Variants in TJP1 observed in about 807,000 individuals in gnomAD.
The protein encoded by TJP1 is tight junction protein ZO-1.
A neutral mutation model predicts 194.2 loss-of-function variants in TJP1; 43 were observed. The observed-to-expected ratio is 0.22, with a 90% CI of 0.17 to 0.29. The LOEUF is 0.29. Among genes scored for constraint, TJP1 ranks in the 10% least tolerant of loss-of-function variants. The pLI is 1.00. For missense variants in TJP1, 1,971 were observed against 2,185.7 expected (o/e 0.90, Z 1.96); for synonymous variants, 801 against 779.0 (o/e 1.03, Z -0.47).
chr15:29,946,728 T>C (rs992860979), intron 2 of TJP1, among the ~76,000 whole-genome samples: 5 of 152,228 alleles, frequency 3.3e-5, no homozygotes, highest in Admixed American at 3.3e-4. Flanking sequence ...TCATATCTAT[T>C]CATTCATTTG....
chr15:29,732,607 G>A (rs1294414546), intron 14 of TJP1, 24 bp downstream of exon 14: 1 of 1,613,630 alleles, frequency 6.2e-7, no homozygotes, highest in Non-Finnish European at 8.5e-7. Context: ...AGGGTATTAG[G>A]TTAGTCTGTA....
chr15:29,850,416 C>T (rs564910529), intron 2 of TJP1, among the ~76,000 whole-genome samples: 5 of 152,186 alleles, frequency 3.3e-5, no homozygotes, highest in Admixed American at 6.5e-5. Flanking sequence ...CTGCAAGCTC[C>T]GCCTCCCAGG....
At chr15:29,832,566 G>A (rs2050870523) in intron 2 of TJP1, among the ~76,000 whole-genome samples, 1 of 152,222 alleles carries the variant, frequency 6.6e-6, no homozygotes, top group Non-Finnish European at 1.5e-5. Context: ...TCTTAGCACT[G>A]TGAGGGACAT....
At chr15:29,703,461 A>G in intron 27 of TJP1, among the ~76,000 whole-genome samples, 1 of 152,082 alleles carries the variant, frequency 6.6e-6, no homozygotes, top group African/African-American at 2.4e-5. Context: ...AAAACAAACA[A>G]ACAAAAAATA....
intron 2 of TJP1, among the ~76,000 whole-genome samples, chr15:29,931,331 C>T (rs368990871): frequency 2.6e-5 from 4 of 151,974 alleles, no homozygotes; most frequent in East Asian, 1.9e-4. Context: ...TAAGTGGAGC[C>T]GCACTGTTCA....
At position 29,719,850 on chromosome 15, in the gene TJP1, G is replaced by A. The variant is rs1566890909; in HGVS notation, c.2930C>T (p.Pro977Leu). The change falls in exon 20 of 28, where the codon CCA becomes CTA. Residue 977 changes from proline (P) to leucine (L), a missense_variant. Around this residue, in one of 5 missense-constraint regions of TJP1, gnomAD observed 1,108 missense variants for 1,128.5 expected, o/e 0.98. Transcript: ENST00000614355. ...CATTATGTGAGCTGCCTCAGTACTT[G>A]GTGTTCTTAAAGAATCAGCTTGTGG... ...YSPQADSLRT[P>L]STEAAHIMLR... 3.1e-6 allele frequency: 5 copies of A among 1,614,148 alleles called. No individual in the cohort carries two copies. The highest frequency in any genetic ancestry group is 3.4e-6 in the Non-Finnish European group (4 of 1,180,018).
intron 2 of TJP1, among the ~76,000 whole-genome samples, chr15:29,911,279 T>G (rs755644030): frequency 2.6e-5 from 4 of 152,136 alleles, no homozygotes; most frequent in Non-Finnish European, 5.9e-5. Flanking sequence ...CTGACAGAGC[T>G]GAGTTGCTGT....
At chr15:29,896,579 G>C (rs2053483965) in intron 2 of TJP1, among the ~76,000 whole-genome samples, 1 of 152,224 alleles carries the variant, frequency 6.6e-6, no homozygotes, top group Admixed American at 6.5e-5. Context: ...GGCAGAAGCT[G>C]GAACAGTTTG....
rs757146968 is a variant in TJP1, at chr15:29,720,665, C to T, written c.2456G>A (p.Arg819His). ...ACCTGGAGCTGACAGGTAGGACAGA[C>T]GATCATCATGCAAATCAAGGTCATC... ...TSDDLDLHDD[R>H]LSYLSAPGSE... The change falls in exon 19 of 28, where the codon CGT (arginine) becomes CAT (histidine). Residue 819 changes from arginine to histidine, a missense_variant. Around this residue, in one of 5 missense-constraint regions of TJP1, gnomAD observed 402 missense variants for 484.2 expected, o/e 0.83. Coordinates refer to ENST00000614355, the MANE Select transcript of TJP1 (RefSeq NM_001330239.4). 10 of 1,611,268 alleles carry T rather than the reference C, an allele frequency of 6.2e-6. No individual in the cohort carries two copies. The highest frequency in any genetic ancestry group is 2.2e-5 in the East Asian group (1 of 44,836).
Position 29,733,323 on chromosome 15 carries a change from A to G in TJP1, c.1517-10T>C, listed in dbSNP as rs751643827. 31 of 1,565,528 alleles carry G rather than the reference A, an allele frequency of 2.0e-5. No individual in the cohort carries two copies. Among genetic ancestry groups the G allele is most frequent in the Non-Finnish European group, 2.6e-5 (30 of 1,140,432 alleles). ...ACAATGCGACGATAAACTAAAAGGA[A>G]TAAAAACAAACACATTATCAATATT... On this transcript the variant is annotated splice_polypyrimidine_tract_variant and intron_variant, in intron 12 of 27. Coordinates refer to ENST00000614355, the MANE Select transcript of TJP1 (RefSeq NM_001330239.4).
chr15:29,834,445 C>T (rs2050958972), intron 2 of TJP1, among the ~76,000 whole-genome samples: 1 of 152,092 alleles, frequency 6.6e-6, no homozygotes, highest in African/African-American at 2.4e-5. Context: ...TTCTTGAACT[C>T]CTGACCTCAC....
rs771279629 is a variant in TJP1 at position 29,766,348 on chromosome 15, C to A, written c.507G>T (p.Pro169=). The change falls in exon 5 of 28, where the codon CCG becomes CCT. Residue 169 remains proline (P), a synonymous_variant. Transcript: ENST00000614355. The stretch of plus-strand genomic sequence containing the variant: ...AAGCCACTGACCGCCTGTCTGACCG[C>A]GGGGACAAGCTCCTCTCTCTACTTG... ...RSASRERSLS[P]RSDRRSVASS... is the part of the protein sequence containing the mutation. 1 of 1,614,110 alleles carries A rather than the reference C, an allele frequency of 6.2e-7. No individual in the cohort carries two copies. The highest frequency in any genetic ancestry group is 8.5e-7 in the Non-Finnish European group (1 of 1,180,046).
intron 2 of TJP1, among the ~76,000 whole-genome samples, chr15:29,916,135 C>T (rs2054176781): frequency 6.6e-6 from 1 of 151,480 alleles, no homozygotes; most frequent in Non-Finnish European, 1.5e-5. Context: ...ATCCCAGTTA[C>T]TCGGGAGGCT....
intron 10 of TJP1, 58 bp downstream of exon 10, chr15:29,741,273 A>T (rs1294243648): frequency 3.1e-6 from 4 of 1,278,880 alleles, no homozygotes; most frequent in Admixed American, 4.5e-5. Context: ...TTAAATTCCT[A>T]CTCTGAATAA....
intron 2 of TJP1, among the ~76,000 whole-genome samples, chr15:29,794,800 C>T (rs534708841): frequency 2.6e-4 from 40 of 151,944 alleles, no homozygotes; most frequent in Non-Finnish European, 4.9e-4. Context: ...TGAATAATCT[C>T]GCTTCCAGTA....
At chr15:29,804,917 G>A (rs1230737979) in intron 1 of TJP1, among the ~76,000 whole-genome samples, 3 of 152,124 alleles carry the variant, frequency 2.0e-5, no homozygotes, top group East Asian at 1.9e-4. Flanking sequence ...GACCAGAGCC[G>A]AAAGGTATCA....
intron 2 of TJP1, among the ~76,000 whole-genome samples, chr15:29,942,823 C>T (rs1438967370): frequency 1.3e-5 from 2 of 152,156 alleles, no homozygotes; most frequent in Admixed American, 6.5e-5. Context: ...CCCGGGGGGA[C>T]CTGCAAGGGA....
rs1315295673 is a variant in TJP1, at chr15:29,726,426, C to T, written c.2365G>A (p.Ala789Thr). The T allele has an allele frequency of 4.2e-5, 67 of 1,613,938 alleles. No individual in the cohort carries two copies. Among genetic ancestry groups the T allele is most frequent in the Non-Finnish European group, 5.3e-5 (62 of 1,180,000 alleles). Residue 789 changes from alanine to threonine, a missense_variant, in exon 18 of 28, where the codon GCA (alanine) becomes ACA (threonine). Ala to Thr is a moderately conservative substitution (Grantham distance 58). Around this residue, in one of 5 missense-constraint regions of TJP1, gnomAD observed 402 missense variants for 484.2 expected, o/e 0.83. Transcript: ENST00000614355. The stretch of plus-strand genomic sequence containing the variant: ...AGCTGGTTTTGCTGTTGTTGAATTG[C>T]TTCTTTCAGCGCACCATACCAACCA... ...NDGWYGALKE[A>T]IQQQQNQLVW...
intron 27 of TJP1, among the ~76,000 whole-genome samples, chr15:29,701,897 A>T (rs1482881789): frequency 2.0e-5 from 3 of 152,128 alleles, no homozygotes; most frequent in Non-Finnish European, 2.9e-5. Flanking sequence ...TTCTAAAAAA[A>T]TTTTTTTTAA....
Sources: allele counts gnomAD v4.1 joint callset (sites outside exome capture counted in the v4.1 genomes callset), GRCh38; gene constraint gnomAD v4.1.1; regional missense constraint gnomAD v4.1.1; transcripts MANE v1.5; gene names NCBI Gene and HGNC (gene_info 2026-07-23, HGNC 2026-07-21).